ADAMTS2: variants seen among roughly 807,000 people sequenced by gnomAD.
ADAMTS2 encodes ADAM metallopeptidase with thrombospondin type 1 motif 2.
ADAMTS2 carries 50 observed loss-of-function variants against 123.0 expected under a neutral mutation model. That is an observed-to-expected ratio of 0.41 (90% CI 0.32 to 0.51). The LOEUF (loss-of-function observed/expected upper bound fraction) is 0.51, where lower values mean the gene tolerates loss of function less well. ADAMTS2 is among the 20% of genes least tolerant of loss of function. ADAMTS2 has a pLI of 0.35. For synonymous variants in ADAMTS2, 678 were observed against 695.4 expected, an observed-to-expected ratio of 0.98 and a Z score of 0.39; for missense variants, 1,494 against 1,705.2, an observed-to-expected ratio of 0.88 and a Z score of 2.18.
chr5:179,125,653 G>A (rs1488803545), intron 18 of ADAMTS2, among the ~76,000 whole-genome samples: 1 of 152,310 alleles, frequency 6.6e-6, no homozygotes, highest in Non-Finnish European at 1.5e-5. Context: ...ACCCAGAAAC[G>A]CAGCTGGGCC....
intron 19 of ADAMTS2, among the ~76,000 whole-genome samples, chr5:179,124,402 C>T (rs1762815323): frequency 6.6e-6 from 1 of 152,156 alleles, no homozygotes. Flanking sequence ...ACGCCCTGCT[C>T]TTCTCCCCTC....
intron 10 of ADAMTS2, among the ~76,000 whole-genome samples, chr5:179,151,431 T>C (rs1763353753): frequency 6.6e-6 from 1 of 152,162 alleles, no homozygotes; most frequent in South Asian, 2.1e-4. Context: ...GGGGGCGTCC[T>C]AGGCCTGGCT....
chr5:179,190,971 C>T (rs904553960), intron 4 of ADAMTS2, among the ~76,000 whole-genome samples: 13 of 152,276 alleles, frequency 8.5e-5, no homozygotes, highest in Non-Finnish European at 1.3e-4. Context: ...GAGCTCTCCC[C>T]GCTGGCTGCG....
Position 179,260,821 on chromosome 5 carries a change from G to A in ADAMTS2, c.688+12090C>T, listed in dbSNP as rs552156795. Among the ~76,000 whole-genome samples the A allele has an allele frequency of 1.2e-4, 18 of 152,296 alleles. No individual in the cohort carries two copies. Among genetic ancestry groups the A allele is most frequent in the African/African-American group, 3.4e-4 (14 of 41,568 alleles). On this transcript the variant is annotated intron_variant, in intron 3 of 21. Transcript: ENST00000251582. The surrounding 1 kb of genome is among the most constrained non-coding windows in gnomAD (Gnocchi z 4.2). ...TCAACGGTAAGTGCTCCAGGAACGC[G>A]TCACGTTCTTCTTGCTCCCTGCTGT...
Position 179,124,180 on chromosome 5 carries a change from C to T in ADAMTS2, c.2958+793G>A, listed in dbSNP as rs552898236. 2.6e-5 allele frequency among the ~76,000 whole-genome samples: 4 copies of T among 152,250 alleles called. No individual in the cohort carries two copies. In the East Asian group the frequency reaches 7.8e-4, roughly 30 times the overall value. Reference sequence around the variant, plus strand: ...AGTCCCGCTTCTGAGTCTGTGAGTCCTTCTAGTGGATTACTGAGCCTGAGG... The same window carrying T: ...AGTCCCGCTTCTGAGTCTGTGAGTCTTTCTAGTGGATTACTGAGCCTGAGG... On this transcript the variant is annotated intron_variant, in intron 19 of 21. Transcript: ENST00000251582.
intron 2 of ADAMTS2, among the ~76,000 whole-genome samples, chr5:179,309,736 A>G (rs968886437): frequency 1.4e-5 from 2 of 139,112 alleles, no homozygotes; most frequent in African/African-American, 5.6e-5. Flanking sequence ...CAGCCTGGGC[A>G]ACACAGCAAG....
chr5:179,183,288 G>T (rs1193716212), intron 4 of ADAMTS2, among the ~76,000 whole-genome samples: 1 of 152,216 alleles, frequency 6.6e-6, no homozygotes, highest in Admixed American at 6.5e-5. Context: ...TCACGACAAA[G>T]CTTGGCCAGC....
intron 13 of ADAMTS2, among the ~76,000 whole-genome samples, chr5:179,133,758 C>T (rs1368247936): frequency 1.2e-4 from 18 of 150,928 alleles, no homozygotes; most frequent in Non-Finnish European, 1.5e-4. Context: ...CTCGCTCTGT[C>T]GCCTAAGCTG....
chr5:179,268,000 G>A (rs781540926), intron 3 of ADAMTS2, among the ~76,000 whole-genome samples: 68 of 152,366 alleles, frequency 4.5e-4, no homozygotes, highest in Non-Finnish European at 8.2e-4. Context: ...GACTCACTGA[G>A]CTCAGCGCCG....
Position 179,168,770 on chromosome 5 carries a change from G to A in ADAMTS2, c.976-9891C>T, listed in dbSNP as rs59738597. Among the ~76,000 whole-genome samples the A allele has an allele frequency of 4.3e-3, 661 of 152,234 alleles. 11 individuals carry two copies. The highest frequency in any genetic ancestry group is 0.015 in the African/African-American group (622 of 41,564). Reference sequence around the variant, plus strand: ...CTGCTCTGTGAGCACATGTTCTACCGTGCCCCCCAGCTGAGTGCAAAGTGG... The same window carrying A: ...CTGCTCTGTGAGCACATGTTCTACCATGCCCCCCAGCTGAGTGCAAAGTGG... On this transcript the variant is annotated intron_variant, in intron 5 of 21. Coordinates refer to ENST00000251582, the MANE Select transcript of ADAMTS2 (RefSeq NM_014244.5).
chr5:179,317,746 A>T lies in ADAMTS2; in HGVS notation c.534+26021T>A, dbSNP rs1166146822. On this transcript the variant is annotated intron_variant, in intron 2 of 21. Transcript: ENST00000251582. The surrounding 1 kb of genome is among the most constrained non-coding windows in gnomAD (Gnocchi z 4.9). Reference sequence around the variant, plus strand: ...GTACATTTCAGCACGCGTCTAGGGGAGGTTAGCGTGCCAGCACCAGCTGAG... The same window carrying T: ...GTACATTTCAGCACGCGTCTAGGGGTGGTTAGCGTGCCAGCACCAGCTGAG... 1.3e-5 allele frequency among the ~76,000 whole-genome samples: 2 copies of T among 152,136 alleles called. No homozygotes were observed. The highest frequency in any genetic ancestry group is 6.5e-5 in the Admixed American group (1 of 15,280).
chr5:179,337,950 C>T (rs144913605), intron 2 of ADAMTS2, among the ~76,000 whole-genome samples: 6 of 151,860 alleles, frequency 4.0e-5, no homozygotes, highest in Admixed American at 3.9e-4. Context: ...CTTCACCTCC[C>T]AGCTGACTCT....
intron 2 of ADAMTS2, among the ~76,000 whole-genome samples, chr5:179,319,316 A>G (rs1490887898): frequency 6.6e-6 from 1 of 152,180 alleles, no homozygotes; most frequent in Admixed American, 6.5e-5. Context: ...ATGCATGTGC[A>G]TGGCAGACAT....
chr5:179,289,376 G>A (rs1486747710), intron 2 of ADAMTS2, among the ~76,000 whole-genome samples: 1 of 152,210 alleles, frequency 6.6e-6, no homozygotes, highest in African/African-American at 2.4e-5. Context: ...GGGAAGGGCA[G>A]CTCTTTCTCA....
At chr5:179,119,814 A>G (rs958961754) in intron 21 of ADAMTS2, among the ~76,000 whole-genome samples, 4 of 152,152 alleles carry the variant, frequency 2.6e-5, no homozygotes, top group African/African-American at 9.6e-5. Flanking sequence ...TTCCCACTCC[A>G]CAGGCTCTGC....
At chr5:179,240,654 C>T (rs1379148599) in intron 3 of ADAMTS2, among the ~76,000 whole-genome samples, 2 of 152,180 alleles carry the variant, frequency 1.3e-5, no homozygotes, top group Non-Finnish European at 2.9e-5. Context: ...TGGTCATGGT[C>T]GACCTCATGG....
chr5:179,270,618 G>A (rs1236303069), intron 3 of ADAMTS2, among the ~76,000 whole-genome samples: 2 of 152,188 alleles, frequency 1.3e-5, no homozygotes, highest in African/African-American at 4.8e-5. Flanking sequence ...CAGCTTTTAT[G>A]TATCTCCCAG....
In ADAMTS2 at chr5:179,155,780, C is replaced by G. The variant is rs1763457297; in HGVS notation, c.1133-861G>C. Among the ~76,000 whole-genome samples the G allele has an allele frequency of 6.6e-6, 1 of 152,112 alleles. No individual in the cohort carries two copies. The highest frequency in any genetic ancestry group is 1.5e-5 in the Non-Finnish European group (1 of 68,024). On this transcript the variant is annotated intron_variant, in intron 6 of 21. Transcript: ENST00000251582. This position sits in a 1 kb window ranked among gnomAD's most constrained non-coding sequence, Gnocchi z 5.1. The stretch of plus-strand genomic sequence containing the variant: ...GGTCTCTGCTTGTACCCCTGGGAGT[C>G]TTCCTAGAGGCCTGCCAAGCATGGA...
intron 4 of ADAMTS2, among the ~76,000 whole-genome samples, chr5:179,186,841 C>A (rs963637134): frequency 2.2e-5 from 3 of 136,180 alleles, no homozygotes; most frequent in Admixed American, 2.2e-4. Context: ...GTCCTCCCCA[C>A]CCCCCCACCC....
Sources: allele counts gnomAD v4.1 joint callset (sites outside exome capture counted in the v4.1 genomes callset), GRCh38; gene constraint gnomAD v4.1.1; non-coding constraint Gnocchi (gnomAD v3.1); transcripts MANE v1.5; gene names NCBI Gene and HGNC (gene_info 2026-07-23, HGNC 2026-07-21).